The following RSAD1 variants were observed in gnomAD, a reference collection of about 807,000 sequenced individuals.
The protein encoded by RSAD1 is radical S-adenosyl methionine domain containing 1.
Under a neutral mutation model 46.2 loss-of-function variants are expected in RSAD1, and 34 were observed. The ratio of observed to expected loss-of-function variants is 0.74; its 90% CI spans 0.56 to 0.98. RSAD1 has a LOEUF of 0.98. RSAD1 is among the 50% of genes least tolerant of loss of function. The pLI is 0.00. For synonymous variants in RSAD1, 260 were observed against 253.5 expected, an observed-to-expected ratio of 1.03 and a Z score of -0.24; for missense variants, 635 against 592.3, an observed-to-expected ratio of 1.07 and a Z score of -0.75.
In RSAD1 at chr17:50,479,729, C is replaced by T. The variant is rs1176083568; in HGVS notation, c.236C>T (p.Ala79Val). ...AAMQKCLVTE[A>V]QTLLRLSGVQ... Reference sequence around the variant, plus strand: ...ATGCAGAAGTGTCTGGTGACCGAAGCTCAGACGCTGCTGCGGCTCAGCGGG... The same window carrying T: ...ATGCAGAAGTGTCTGGTGACCGAAGTTCAGACGCTGCTGCGGCTCAGCGGG... Residue 79 changes from alanine to valine, a missense_variant, in exon 2 of 9, where the codon GCT becomes GTT. By Grantham distance (64) the Ala-to-Val change is moderately conservative. Coordinates refer to ENST00000258955, the MANE Select transcript of RSAD1 (RefSeq NM_018346.3). The T allele has an allele frequency of 6.2e-7, 1 of 1,612,386 alleles. No individual in the cohort carries two copies. Among genetic ancestry groups the T allele is most frequent in the African/African-American group, 1.3e-5 (1 of 74,924 alleles).
At chr17:50,483,037 T>G (rs1489355759) in intron 5 of RSAD1, among the ~76,000 whole-genome samples, 3 of 142,478 alleles carry the variant, frequency 2.1e-5, no homozygotes, top group Admixed American at 7.0e-5. Flanking sequence ...GATAGATGAT[T>G]AAAAAAAAAA....
rs752911515 is a variant in RSAD1, at chr17:50,480,194, C to T, written c.474+110C>T. On this transcript the variant is annotated intron_variant, in intron 3 of 8. Coordinates refer to ENST00000258955, the MANE Select transcript of RSAD1 (RefSeq NM_018346.3). The stretch of plus-strand genomic sequence containing the variant: ...CATTGATTGAGCACCTTCTGGGTGC[C>T]AGGGACACAGTAGGGCCTAGTGCGA... The T allele has an allele frequency of 2.7e-6, 3 of 1,119,436 alleles. No individual in the cohort carries two copies. In the South Asian group the frequency reaches 3.9e-5, roughly 15 times the overall value. The allele number at this position is 1,119,436 out of a possible 1,614,324, so 69.3% of individuals were successfully genotyped here.
In RSAD1 at chr17:50,485,591, A is replaced by T. The variant is rs1358664981; in HGVS notation, c.*730A>T. 6.6e-6 allele frequency: 1 copy of T among 152,354 alleles called. No homozygotes were observed. Among genetic ancestry groups the T allele is most frequent in the Non-Finnish European group, 1.5e-5 (1 of 68,120 alleles). The allele number at this position is 152,354 out of a possible 1,614,324, so 9.4% of individuals were successfully genotyped here. On this transcript the variant is annotated 3_prime_UTR_variant, in exon 9 of 9. Transcript: ENST00000258955. Reference sequence around the variant, plus strand: ...TGGCTGGCAGGAAATTCTGAGGAATATAGCTCTTAGGCTTCCAGCCTCTAC... The same window carrying T: ...TGGCTGGCAGGAAATTCTGAGGAATTTAGCTCTTAGGCTTCCAGCCTCTAC...
Position 50,479,779 on chromosome 17 carries a change from G to T in RSAD1, c.269+17G>T, listed in dbSNP as rs756265226. ...GGTGCAACGGTGGGTAGTGGGGGCT[G>T]TAGGCAGCGTTTTGGGAAATATTTG... On this transcript the variant is annotated intron_variant, in intron 2 of 8. Transcript: ENST00000258955. 1.3e-6 allele frequency: 2 copies of T among 1,596,754 alleles called. No individual in the cohort carries two copies. The highest frequency in any genetic ancestry group is 1.1e-5 in the South Asian group (1 of 88,682).
Position 50,483,360 on chromosome 17 carries a change from C to T in RSAD1, c.925C>T (p.Pro309Ser). ...GTCAGGGGCCCATGGACGATTTATG[C>T]CCCAGGGGGCTGGAGGCCACACCCG... is the stretch of plus-strand genomic sequence containing the variant. The part of the protein sequence containing the change: ...VGPGAHGRFM[P>S]QGAGGHTREA... Residue 309 changes from proline to serine, a missense_variant, in exon 6 of 9, where the codon CCC becomes TCC. Transcript: ENST00000258955. 1 of 1,613,880 alleles carries T rather than the reference C, an allele frequency of 6.2e-7. No homozygotes were observed. Among genetic ancestry groups the T allele is most frequent in the Non-Finnish European group, 8.5e-7 (1 of 1,179,896 alleles).
At chr17:50,480,413 C>T in intron 3 of RSAD1, 1 of 346,194 alleles carries the variant, frequency 2.9e-6, no homozygotes, top group Non-Finnish European at 5.5e-6. Context: ...TAAATGTCAC[C>T]TGTAAAGGGG....
chr17:50,482,499 C>T, intron 4 of RSAD1, 43 bp downstream of exon 4: 1 of 1,605,234 alleles, frequency 6.2e-7, no homozygotes, highest in Non-Finnish European at 8.5e-7. Context: ...GATGGGCAGA[C>T]TGCAGTGTGA....
chr17:50,484,697 A>AAATTTCTC, intron 8 of RSAD1, 47 bp from the exon 9 acceptor site: 1 of 1,579,652 alleles, frequency 6.3e-7, no homozygotes, highest in Non-Finnish European at 8.7e-7. Flanking sequence ...GATGGGCTTG[A>AAATTTCTC]AATTGGTAAG....
rs1157251105 is a variant in RSAD1, at chr17:50,480,073, A to G, written c.463A>G (p.Ile155Val). The change falls in exon 3 of 9, where the codon ATA (isoleucine) becomes GTA (valine). Residue 155 changes from isoleucine (I) to valine (V), a missense_variant. Physicochemically the swap from Ile to Val is conservative, Grantham distance 29. Coordinates refer to ENST00000258955, the MANE Select transcript of RSAD1 (RefSeq NM_018346.3). Reference sequence around the variant, plus strand: ...GGCAGCAGGGGTTAACAGGTTGTCTATAGGCCTCCAGGTAACCCATGGCAC... The same window carrying G: ...GGCAGCAGGGGTTAACAGGTTGTCTGTAGGCCTCCAGGTAACCCATGGCAC... Reference protein sequence around the residue: ...FGAAGVNRLSIGLQSLDDTEL... With the variant: ...FGAAGVNRLSVGLQSLDDTEL... 8.1e-6 allele frequency: 13 copies of G among 1,613,888 alleles called. No homozygotes were observed. Among genetic ancestry groups the G allele is most frequent in the African/African-American group, 1.3e-5 (1 of 74,938 alleles).
chr17:50,481,961 C>G (rs1477174158), intron 3 of RSAD1, 130 bp from the exon 4 acceptor site: 27 of 1,127,528 alleles, frequency 2.4e-5, no homozygotes, highest in Non-Finnish European at 3.2e-5. Context: ...GCCAGCTTGA[C>G]CTTCCCCCTC....
intron 7 of RSAD1, 73 bp downstream of exon 7, chr17:50,483,833 C>T (rs906501191): frequency 1.4e-6 from 2 of 1,392,110 alleles, no homozygotes; most frequent in East Asian, 2.3e-5. Context: ...CCCTGCCACC[C>T]CCCCCACACA....
At chr17:50,479,785 A>T (rs749552217) in intron 2 of RSAD1, 23 bp downstream of exon 2, 32 of 1,594,726 alleles carry the variant, frequency 2.0e-5, no homozygotes, top group Non-Finnish European at 2.7e-5. Flanking sequence ...GGCTGTAGGC[A>T]GCGTTTTGGG....
chr17:50,479,660 G>C lies in RSAD1; in HGVS notation c.167G>C (p.Cys56Ser). 7.4e-6 allele frequency: 12 copies of C among 1,613,914 alleles called. No homozygotes were observed. Among genetic ancestry groups the C allele is most frequent in the Non-Finnish European group, 9.3e-6 (11 of 1,180,046 alleles). The change falls in exon 2 of 9, where the codon TGC becomes TCC. Residue 56 changes from cysteine to serine, a missense_variant. Coordinates refer to ENST00000258955, the MANE Select transcript of RSAD1 (RefSeq NM_018346.3). ...TACTGCGAGAAGCGCTGCAGTTACTGCAACTTCAACAAGTACATCCCTCGC... is the reference window on the plus strand; with the variant it reads ...TACTGCGAGAAGCGCTGCAGTTACTCCAACTTCAACAAGTACATCCCTCGC... ...WPYCEKRCSY[C>S]NFNKYIPRRL... is the part of the protein sequence containing the mutation.
At chr17:50,483,960 T>G in intron 7 of RSAD1, 200 bp downstream of exon 7, 1 of 561,326 alleles carries the variant, frequency 1.8e-6, no homozygotes, top group Non-Finnish European at 3.1e-6. Context: ...AGACCAGGGC[T>G]GCAGAGACCC....
At chr17:50,479,810 G>C (rs1335302809) in intron 2 of RSAD1, 48 bp downstream of exon 2, 1 of 1,589,618 alleles carries the variant, frequency 6.3e-7, no homozygotes, top group Non-Finnish European at 8.6e-7. Context: ...ATTTGGAGGA[G>C]TGGTGGGGGA....
intron 4 of RSAD1, 45 bp from the exon 5 acceptor site, chr17:50,482,598 G>A (rs4482335): frequency 6.2e-7 from 1 of 1,613,610 alleles, no homozygotes; most frequent in Non-Finnish European, 8.5e-7. Context: ...GTCTAAAAAT[G>A]AGGCCTGCCC....
At position 50,485,933 on chromosome 17, in the gene RSAD1, A is replaced by G. The variant is rs1214046760; in HGVS notation, c.*1072A>G. 6.6e-6 allele frequency: 1 copy of G among 152,184 alleles called. No homozygotes were observed. Among genetic ancestry groups the G allele is most frequent in the Non-Finnish European group, 1.5e-5 (1 of 68,030 alleles). The allele number at this position is 152,184 out of a possible 1,614,324, so 9.4% of individuals were successfully genotyped here. ...TCCTTTTACCTACAGAAATGGTCAC[A>G]TGGTTCTATTTAAATAGCCTAATAA... On this transcript the variant is annotated 3_prime_UTR_variant, in exon 9 of 9. Transcript: ENST00000258955.
intron 5 of RSAD1, 152 bp from the exon 6 acceptor site, chr17:50,483,188 A>G (rs934371876): frequency 1.1e-6 from 1 of 925,234 alleles, no homozygotes; most frequent in Non-Finnish European, 1.5e-6. Context: ...AAAAAAAAAA[A>G]AAAAGAAAGA....
chr17:50,479,378 T>G, intron 1 of RSAD1: 1 of 523,338 alleles, frequency 1.9e-6, no homozygotes. Flanking sequence ...AGAGCTTGGG[T>G]TGAATTCCTT....
Sources: allele counts gnomAD v4.1 joint callset (sites outside exome capture counted in the v4.1 genomes callset), GRCh38; gene constraint gnomAD v4.1.1; transcripts MANE v1.5; gene names NCBI Gene and HGNC (gene_info 2026-07-23, HGNC 2026-07-21).